The following FGGY variants were observed in gnomAD, a reference collection of about 807,000 sequenced individuals.
The protein encoded by FGGY is FGGY carbohydrate kinase domain containing, also known as FGGY carbohydrate kinase domain-containing protein.
In FGGY, 72 loss-of-function variants were observed where a neutral mutation model predicts 71.3. That is an observed-to-expected ratio of 1.01 (90% CI 0.84 to 1.23). FGGY has a LOEUF of 1.23. FGGY is among the 50% of genes most tolerant of loss of function. The probability of loss-of-function intolerance (pLI) is 0.00; values close to 1 mark genes in which losing one functional copy is unlikely to be tolerated. For missense variants in FGGY, 668 were observed against 682.3 expected (o/e 0.98, Z 0.23); for synonymous variants, 251 against 250.3 (o/e 1.00, Z -0.02).
chr1:59,305,377 A>T (rs1029252371), intron 1 of FGGY, among the ~76,000 whole-genome samples: 9 of 152,070 alleles, frequency 5.9e-5, no homozygotes, highest in African/African-American at 2.2e-4. Context: ...CATATGTTGA[A>T]CCATCCTTGC....
rs58745873 is a variant in FGGY, at chr1:59,597,789, C to T, written c.904-10014C>T. 3.3e-3 allele frequency among the ~76,000 whole-genome samples: 502 copies of T among 152,300 alleles called. 3 individuals are homozygous for T. The highest frequency in any genetic ancestry group is 0.012 in the African/African-American group (483 of 41,538). Reference sequence around the variant, plus strand: ...CCTCAGGCATCCTTTTAACGGAACTCTAAAGTCTGCAGGAGGGAGCCATTT... The same window carrying T: ...CCTCAGGCATCCTTTTAACGGAACTTTAAAGTCTGCAGGAGGGAGCCATTT... On this transcript the variant is annotated intron_variant, in intron 8 of 15. Transcript: ENST00000303721.
At chr1:59,579,497 G>A (rs1172046846) in intron 8 of FGGY, among the ~76,000 whole-genome samples, 1 of 152,074 alleles carries the variant, frequency 6.6e-6, no homozygotes, top group Admixed American at 6.6e-5. Context: ...TCAGCCCCCA[G>A]GAAATCTCCT....
chr1:59,335,827 C>T (rs1158169147), intron 2 of FGGY, among the ~76,000 whole-genome samples: 2 of 152,104 alleles, frequency 1.3e-5, no homozygotes, highest in Non-Finnish European at 2.9e-5. Flanking sequence ...GAAGTGTCCA[C>T]ATCTTTTGCC....
intron 10 of FGGY, among the ~76,000 whole-genome samples, chr1:59,627,872 A>G (rs1452099820): frequency 2.0e-5 from 3 of 152,184 alleles, no homozygotes; most frequent in Non-Finnish European, 4.4e-5. Flanking sequence ...CCATAAGTAA[A>G]TAACTTTGTA....
At chr1:59,704,605 A>G (rs561194141) in intron 14 of FGGY, among the ~76,000 whole-genome samples, 85 of 152,314 alleles carry the variant, frequency 5.6e-4, no homozygotes, top group African/African-American at 1.8e-3. Context: ...ATATATTAAT[A>G]CATATAAAGC....
In FGGY at chr1:59,499,216, C is replaced by T. The variant is rs562615121; in HGVS notation, c.671-13095C>T. Among the ~76,000 whole-genome samples, 13 of 151,356 alleles carry T rather than the reference C, an allele frequency of 8.6e-5. 1 individual carries two copies. The South Asian group carries it at 2.7e-3, about 31-fold the overall frequency. On this transcript the variant is annotated intron_variant, in intron 6 of 15. Transcript: ENST00000303721. Reference sequence around the variant, plus strand: ...GAATAATTATATATAGTAGTTCCCCCTTGTCCATGGAAAATACCTTCCAAG... The same window carrying T: ...GAATAATTATATATAGTAGTTCCCCTTTGTCCATGGAAAATACCTTCCAAG...
At chr1:59,495,748 C>T (rs2094010271) in intron 6 of FGGY, among the ~76,000 whole-genome samples, 1 of 151,920 alleles carries the variant, frequency 6.6e-6, no homozygotes, top group South Asian at 2.1e-4. Context: ...GGGGTCTTTC[C>T]TTATTGCTTG....
chr1:59,448,495 C>T (rs1057454987), intron 5 of FGGY, among the ~76,000 whole-genome samples: 2 of 152,142 alleles, frequency 1.3e-5, no homozygotes, highest in African/African-American at 4.8e-5. Flanking sequence ...CTGCTTCATG[C>T]ACTCCAGGAG....
rs1488955004 is a variant in FGGY at position 59,546,507 on chromosome 1, TGA to T, written c.800-7616_800-7615del. Among the ~76,000 whole-genome samples the T allele has an allele frequency of 9.0e-5, 13 of 143,876 alleles. No homozygotes were observed. In the South Asian group the frequency reaches 3.0e-3, roughly 33 times the overall value. 94.4% of individuals were successfully genotyped at this position (143,876 alleles called of 152,430 possible). A position where few individuals can be genotyped will look rare whatever the true frequency, so the allele number is the denominator to read the frequency against. On this transcript the variant is annotated intron_variant, in intron 7 of 15. Transcript: ENST00000303721. ...TTAAAGCATAGGATGATGATGATGA[TGA>T]TGATGATGATGATGATGATGATGAT...
intron 2 of FGGY, among the ~76,000 whole-genome samples, chr1:59,324,346 G>A (rs966854890): frequency 5.6e-4 from 75 of 134,170 alleles, no homozygotes; most frequent in African/African-American, 1.9e-3. Flanking sequence ...GCGGGATCTC[G>A]GCTCACTGCA....
intron 14 of FGGY, among the ~76,000 whole-genome samples, chr1:59,743,790 G>A (rs1159608111): frequency 6.6e-6 from 1 of 152,186 alleles, no homozygotes; most frequent in Non-Finnish European, 1.5e-5. Context: ...TAAACTTTGT[G>A]TTTCCAAACC....
chr1:59,422,809 A>G (rs1036564308), intron 5 of FGGY, among the ~76,000 whole-genome samples: 6 of 152,232 alleles, frequency 3.9e-5, no homozygotes, highest in Non-Finnish European at 7.3e-5. Context: ...AAGACAGGAA[A>G]AGGAAAGGCA....
intron 5 of FGGY, among the ~76,000 whole-genome samples, chr1:59,414,990 T>G (rs995785919): frequency 1.3e-5 from 2 of 152,090 alleles, no homozygotes; most frequent in African/African-American, 2.4e-5. Flanking sequence ...TTCTGTGTGG[T>G]TGGTTCTTGT....
At chr1:59,434,148 G>A (rs1427115337) in intron 5 of FGGY, among the ~76,000 whole-genome samples, 1 of 152,174 alleles carries the variant, frequency 6.6e-6, no homozygotes, top group Admixed American at 6.5e-5. Flanking sequence ...TATACCTTTT[G>A]CACCCAAGAA....
At chr1:59,493,094 A>AG (rs761459200) in intron 6 of FGGY, among the ~76,000 whole-genome samples, 8 of 44,694 alleles carry the variant, frequency 1.8e-4, no homozygotes, top group Non-Finnish European at 4.0e-4. Flanking sequence ...ATTACCAAAC[A>AG]AAACACACAC....
At chr1:59,401,804 C>G (rs764844399) in intron 5 of FGGY, among the ~76,000 whole-genome samples, 1 of 152,044 alleles carries the variant, frequency 6.6e-6, no homozygotes, top group African/African-American at 2.4e-5. Context: ...TGTGAAAAGT[C>G]TTGTGACTAA....
chr1:59,590,511 T>G (rs1203939501), intron 8 of FGGY, among the ~76,000 whole-genome samples: 1 of 152,238 alleles, frequency 6.6e-6, no homozygotes, highest in East Asian at 1.9e-4. Context: ...ACCAATATCC[T>G]TGATGAACAT....
chr1:59,663,847 T>C (rs1015782695), intron 12 of FGGY, among the ~76,000 whole-genome samples: 2 of 152,208 alleles, frequency 1.3e-5, no homozygotes, highest in Non-Finnish European at 2.9e-5. Context: ...AAAAAAAATG[T>C]TGTTTCATTA....
At chr1:59,538,156 A>T (rs1431573634) in intron 7 of FGGY, among the ~76,000 whole-genome samples, 1 of 152,198 alleles carries the variant, frequency 6.6e-6, no homozygotes, top group African/African-American at 2.4e-5. Context: ...TACGAGAAAA[A>T]AACAACCCCA....
Sources: allele counts gnomAD v4.1 joint callset (sites outside exome capture counted in the v4.1 genomes callset), GRCh38; gene constraint gnomAD v4.1.1; transcripts MANE v1.5; gene names NCBI Gene and HGNC (gene_info 2026-07-23, HGNC 2026-07-21).